Variants in RYR2 observed in about 807,000 individuals in gnomAD.
The protein encoded by RYR2 is cardiac muscle ryanodine receptor-calcium release channel.
RYR2 carries 227 observed loss-of-function variants against 601.1 expected under a neutral mutation model. The observed-to-expected ratio is 0.38, with a 90% CI of 0.34 to 0.42. The LOEUF (loss-of-function observed/expected upper bound fraction) is 0.42. Among genes scored for constraint, RYR2 ranks in the 10% least tolerant of loss-of-function variants. RYR2 has a pLI of 1.00. For synonymous variants in RYR2, 2,223 were observed against 2,175.1 expected, an observed-to-expected ratio of 1.02 and a Z score of -0.61; for missense variants, 4,646 against 6,156.5, an observed-to-expected ratio of 0.75 and a Z score of 8.21.
intron 92 of RYR2, among the ~76,000 whole-genome samples, chr1:237,790,085 A>G (rs1573960794): frequency 6.6e-6 from 1 of 152,288 alleles, no homozygotes. Context: ...ATCCCCTGAC[A>G]TATCCACTTA....
intron 1 of RYR2, among the ~76,000 whole-genome samples, chr1:237,258,239 G>A (rs1688186197): frequency 6.6e-6 from 1 of 151,774 alleles, no homozygotes. Context: ...CAAAATAGCG[G>A]TATGTGTGGT....
rs746218142 is a variant in RYR2, at chr1:237,633,686, C to T, written c.6664C>T (p.Leu2222=). The change falls in exon 43 of 105, where the codon CTG becomes TTG. Residue 2222 remains leucine, a synonymous_variant. Coordinates refer to ENST00000366574, the MANE Select transcript of RYR2 (RefSeq NM_001035.3). ...TATGTTTGATCATCTCAGTTATTTA[C>T]TGGAAAACAGCAGTGTTGGTCTTGG... ...KAMFDHLSYL[L]ENSSVGLASP... is the part of the protein sequence containing the mutation. 2 of 1,613,492 alleles carry T rather than the reference C, an allele frequency of 1.2e-6. No individual in the cohort carries two copies. The highest frequency in any genetic ancestry group is 4.5e-5 in the East Asian group (2 of 44,874).
intron 24 of RYR2, among the ~76,000 whole-genome samples, chr1:237,518,654 C>T (rs1666797303): frequency 6.6e-6 from 1 of 152,180 alleles, no homozygotes; most frequent in African/African-American, 2.4e-5. Flanking sequence ...TTTATCCATT[C>T]ATCCATTGAT....
rs572851162 is a variant in RYR2 at position 237,253,711 on chromosome 1, G to A, written c.49-16786G>A. Among the ~76,000 whole-genome samples the A allele has an allele frequency of 1.1e-4, 16 of 152,262 alleles. No individual in the cohort carries two copies. In the South Asian group the frequency reaches 1.4e-3, roughly 14 times the overall value. Reference sequence around the variant, plus strand: ...TTATCAGGAATAGTTTATTGCTCAGGTATAGTTTGCTGGTTCATCCGTTCA... The same window carrying A: ...TTATCAGGAATAGTTTATTGCTCAGATATAGTTTGCTGGTTCATCCGTTCA... On this transcript the variant is annotated intron_variant, in intron 1 of 104. Coordinates refer to ENST00000366574, the MANE Select transcript of RYR2 (RefSeq NM_001035.3).
chr1:237,355,520 TAGAGTA>T (rs1338707639), intron 3 of RYR2, among the ~76,000 whole-genome samples: 2 of 152,174 alleles, frequency 1.3e-5, no homozygotes, highest in African/African-American at 4.8e-5. Flanking sequence ...CTAGAAAGAT[TAGAGTA>T]AGAGAAATTT....
chr1:237,785,068 G>A, intron 90 of RYR2, 96 bp downstream of exon 90: 1 of 900,534 alleles, frequency 1.1e-6, no homozygotes, highest in Non-Finnish European at 1.8e-6. Flanking sequence ...TGCCAGAACG[G>A]TGTTACCTAT....
chr1:237,195,606 C>T (rs1164389361), intron 1 of RYR2, among the ~76,000 whole-genome samples: 2 of 152,200 alleles, frequency 1.3e-5, no homozygotes, highest in Non-Finnish European at 2.9e-5. Context: ...GAAGTGTTCT[C>T]TATTTGCCTT....
chr1:237,513,725 C>T (rs1343188105), intron 24 of RYR2, among the ~76,000 whole-genome samples: 1 of 152,174 alleles, frequency 6.6e-6, no homozygotes, highest in East Asian at 1.9e-4. Context: ...AGTTTGTAGC[C>T]TAGCAGCAAT....
At chr1:237,579,140 T>G (rs1268454013) in intron 29 of RYR2, among the ~76,000 whole-genome samples, 1 of 152,120 alleles carries the variant, frequency 6.6e-6, no homozygotes, top group East Asian at 1.9e-4. Flanking sequence ...CTCACCAATT[T>G]AAAAAATCAG....
At chr1:237,675,926 C>T (rs1434507738) in intron 60 of RYR2, among the ~76,000 whole-genome samples, 1 of 152,148 alleles carries the variant, frequency 6.6e-6, no homozygotes, top group Non-Finnish European at 1.5e-5. Flanking sequence ...AAAGCTTACA[C>T]TACAAGCTAA....
intron 3 of RYR2, among the ~76,000 whole-genome samples, chr1:237,348,073 C>T (rs1698449278): frequency 6.6e-6 from 1 of 152,108 alleles, no homozygotes; most frequent in Admixed American, 6.6e-5. Context: ...TTTGAGGATA[C>T]AAGATCTTGA....
chr1:237,650,424 C>T (rs1682611607), intron 50 of RYR2, among the ~76,000 whole-genome samples: 1 of 151,932 alleles, frequency 6.6e-6, no homozygotes, highest in South Asian at 2.1e-4. Flanking sequence ...AATAGATCTC[C>T]CCTTTTGACT....
At chr1:237,199,988 G>A (rs1196880744) in intron 1 of RYR2, among the ~76,000 whole-genome samples, 1 of 152,104 alleles carries the variant, frequency 6.6e-6, no homozygotes, top group Admixed American at 6.5e-5. Flanking sequence ...AGTACTTGCT[G>A]TATACCTGTA....
intron 2 of RYR2, among the ~76,000 whole-genome samples, 200 bp from the exon 3 acceptor site, chr1:237,330,678 G>T (rs1190567590): frequency 6.6e-6 from 1 of 152,150 alleles, no homozygotes; most frequent in East Asian, 1.9e-4. Flanking sequence ...GTGAGCCACC[G>T]CACCCGGCCA....
Position 237,441,502 on chromosome 1 carries a change from A to C in RYR2, c.1170+19A>C. 2 of 1,446,918 alleles carry C rather than the reference A, an allele frequency of 1.4e-6. No individual in the cohort carries two copies. The highest frequency in any genetic ancestry group is 1.8e-6 in the Non-Finnish European group (2 of 1,092,734). 89.6% of individuals were successfully genotyped at this position (1,446,918 alleles called of 1,614,324 possible). On this transcript the variant is annotated intron_variant, in intron 13 of 104. Coordinates refer to ENST00000366574, the MANE Select transcript of RYR2 (RefSeq NM_001035.3). The stretch of plus-strand genomic sequence containing the variant: ...ACGTAAGGTAAGGTGATAGAAAAAA[A>C]CATAATTTATAGAAGTAATTTTTTA...
intron 1 of RYR2, among the ~76,000 whole-genome samples, chr1:237,167,708 CTTTT>C (rs11288225): frequency 4.9e-5 from 5 of 101,112 alleles, no homozygotes; most frequent in South Asian, 3.8e-4. Context: ...GATCCACCTC[CTTTT>C]TTTTTTTTTT....
rs1405655091 is a variant in RYR2 at position 237,711,769 on chromosome 1, T to C, written c.10255T>C (p.Phe3419Leu). ...GAATTTCAAAAGAGAAGAGCAGAAC[T>C]TCGTTGTACAGAATGAAATCAACAA... ...SHNFKREEQN[F>L]VVQNEINNMS... is the part of the protein sequence containing the mutation. The change falls in exon 71 of 105, where the codon TTC (phenylalanine) becomes CTC (leucine). Residue 3419 changes from phenylalanine (F) to leucine (L), a missense_variant. By Grantham distance (22) the Phe-to-Leu change is conservative. Around this residue, in one of 17 missense-constraint regions of RYR2, gnomAD observed 1,497 missense variants for 1,842.6 expected, o/e 0.81. Transcript: ENST00000366574. The C allele has an allele frequency of 6.3e-7, 1 of 1,586,762 alleles. No homozygotes were observed. The highest frequency in any genetic ancestry group is 1.1e-5 in the South Asian group (1 of 88,616).
Position 237,587,770 on chromosome 1 carries a change from A to G in RYR2, c.3599-2023A>G, listed in dbSNP as rs193046343. 1.2e-4 allele frequency among the ~76,000 whole-genome samples: 18 copies of G among 152,344 alleles called. No individual in the cohort carries two copies. In the East Asian group the frequency reaches 3.3e-3, roughly 28 times the overall value. On this transcript the variant is annotated intron_variant, in intron 29 of 104. Transcript: ENST00000366574. ...ATGAAAGTATTTCAAATATGCAGAA[A>G]AGTTTAGGTATTAGTGAAACAAATA...
intron 5 of RYR2, among the ~76,000 whole-genome samples, chr1:237,366,180 C>G (rs1395805066): frequency 3.3e-5 from 5 of 152,160 alleles, no homozygotes; most frequent in Non-Finnish European, 7.3e-5. Context: ...GAGCCTATTT[C>G]TGCTGGTTGG....
Sources: allele counts gnomAD v4.1 joint callset (sites outside exome capture counted in the v4.1 genomes callset), GRCh38; gene constraint gnomAD v4.1.1; regional missense constraint gnomAD v4.1.1; transcripts MANE v1.5; gene names NCBI Gene and HGNC (gene_info 2026-07-23, HGNC 2026-07-21).